FUBP3: variants seen among roughly 807,000 people sequenced by gnomAD.
The protein encoded by FUBP3 is far upstream element-binding protein 3.
In FUBP3, 28 loss-of-function variants were observed where a neutral mutation model predicts 85.6. That is an observed-to-expected ratio of 0.33 (90% CI 0.24 to 0.45). FUBP3 has a LOEUF of 0.45. Among genes scored for constraint, FUBP3 ranks in the 20% least tolerant of loss-of-function variants. FUBP3 has a pLI of 1.00. For synonymous variants in FUBP3, 271 were observed against 271.4 expected (o/e 1.00, Z 0.01); for missense variants, 583 against 755.1 (o/e 0.77, Z 2.67).
At chr9:130,587,843 A>G (rs1451615246) in intron 1 of FUBP3, among the ~76,000 whole-genome samples, 2 of 152,154 alleles carry the variant, frequency 1.3e-5, no homozygotes, top group Non-Finnish European at 2.9e-5. Flanking sequence ...CCAACATAAC[A>G]TACTCGGTGA....
intron 2 of FUBP3, among the ~76,000 whole-genome samples, chr9:130,607,521 C>T (rs1368850106): frequency 6.6e-6 from 1 of 152,088 alleles, no homozygotes; most frequent in East Asian, 1.9e-4. Flanking sequence ...CAGCATTTTT[C>T]CTTTTTTACA....
chr9:130,601,500 A>G (rs951153018), intron 2 of FUBP3, among the ~76,000 whole-genome samples: 44 of 152,206 alleles, frequency 2.9e-4, no homozygotes, highest in African/African-American at 1.0e-3. Flanking sequence ...TCAGGAGAGT[A>G]CAGCACTGTC....
chr9:130,636,124 C>T lies in FUBP3; in HGVS notation c.1708C>T (p.Gln570Ter). Residue 570 changes from glutamine (Q) to a stop codon, truncating the protein, a stop_gained and splice_region_variant, in exon 18 of 19, where the codon CAG becomes TAG. Coordinates refer to ENST00000319725, the MANE Select transcript of FUBP3 (RefSeq NM_003934.2). LOFTEE classifies it high-confidence loss of function. ...GTTAGGGCAGGCGCAGGCCCACAGCCAGGTCTGTAGCTGATCACCAGCACC... is the reference window on the plus strand; with the variant it reads ...GTTAGGGCAGGCGCAGGCCCACAGCTAGGTCTGTAGCTGATCACCAGCACC... ...QTLGQAQAHSQEQ is the reference protein window; with the variant it reads ...QTLGQAQAHS 1 of 1,613,026 alleles carries T rather than the reference C, an allele frequency of 6.2e-7. No homozygotes were observed. Among genetic ancestry groups the T allele is most frequent in the East Asian group, 2.2e-5 (1 of 44,890 alleles).
At chr9:130,610,048 ATCTGTACTAGAGTGCTAG>A (rs1831660900) in intron 3 of FUBP3, 61 bp downstream of exon 3, 1 of 1,262,024 alleles carries the variant, frequency 7.9e-7, no homozygotes, top group African/African-American at 1.5e-5. Flanking sequence ...TTGATCCACC[ATCTGTACTAGAGTGCTAG>A]AAAGTCAGAG....
chr9:130,634,482 G>A (rs1830339258), intron 16 of FUBP3, 185 bp from the exon 17 acceptor site: 1 of 588,356 alleles, frequency 1.7e-6, no homozygotes, highest in Admixed American at 3.0e-5. Flanking sequence ...CACCCTTACA[G>A]TGATCTTAGT....
rs999032391 is a variant in FUBP3 at position 130,635,230 on chromosome 9, T to C, written c.1582+492T>C. On this transcript the variant is annotated intron_variant, in intron 17 of 18. Transcript: ENST00000319725. This position sits in a 1 kb window ranked among gnomAD's most constrained non-coding sequence, Gnocchi z 4.3. ...TAGTTTCTCTTCTTAAGTAGGCCCG[T>C]TTTCTAACTACCAGAAATGAAACCA... Among the ~76,000 whole-genome samples, 2 of 152,060 alleles carry C rather than the reference T, an allele frequency of 1.3e-5. No individual in the cohort carries two copies. Among genetic ancestry groups the C allele is most frequent in the African/African-American group, 4.8e-5 (2 of 41,370 alleles).
chr9:130,589,890 T>C (rs952794622), intron 1 of FUBP3, among the ~76,000 whole-genome samples: 12 of 149,796 alleles, frequency 8.0e-5, no homozygotes, highest in Admixed American at 2.0e-4. Flanking sequence ...TTTTTTGTTT[T>C]TGTTTTTGTA....
chr9:130,607,699 T>C (rs1564204454), intron 2 of FUBP3, among the ~76,000 whole-genome samples: 1 of 152,188 alleles, frequency 6.6e-6, no homozygotes, highest in South Asian at 2.1e-4. Context: ...CTGCTGGTTT[T>C]CATTTTTAGG....
rs569026817 is a variant in FUBP3 at position 130,621,629 on chromosome 9, G to A, written c.772-1079G>A. 2.6e-3 allele frequency among the ~76,000 whole-genome samples: 395 copies of A among 151,590 alleles called. 1 individual carries two copies. Among genetic ancestry groups the A allele is most frequent in the Non-Finnish European group, 4.7e-3 (318 of 67,806 alleles). ...AACAGTTAAGAATGCAGTTCAGGCC[G>A]GGCATGGTGGCTCACGCCTGTAATC... is the stretch of plus-strand genomic sequence containing the variant. On this transcript the variant is annotated intron_variant, in intron 9 of 18. Coordinates refer to ENST00000319725, the MANE Select transcript of FUBP3 (RefSeq NM_003934.2).
At chr9:130,587,108 A>G (rs181936138) in intron 1 of FUBP3, among the ~76,000 whole-genome samples, 17 of 142,990 alleles carry the variant, frequency 1.2e-4, no homozygotes, top group Non-Finnish European at 1.3e-4. Flanking sequence ...CTCTGTCACC[A>G]GGCTGGAAGG....
chr9:130,636,019 C>G lies in FUBP3; in HGVS notation c.1603C>G (p.Pro535Ala). 5 of 1,595,398 alleles carry G rather than the reference C, an allele frequency of 3.1e-6. No homozygotes were observed. The highest frequency in any genetic ancestry group is 3.4e-6 in the Non-Finnish European group (4 of 1,172,104). Residue 535 changes from proline to alanine, a missense_variant, in exon 18 of 19, where the codon CCT becomes GCT. By Grantham distance (27) the Pro-to-Ala change is conservative (BLOSUM62 -1). Coordinates refer to ENST00000319725, the MANE Select transcript of FUBP3 (RefSeq NM_003934.2). ...ACCAGGTCACGCCGCCAGCGCTGCT[C>G]CTCAGGCCAGCTCCCCACCGGACTA... ...KKQSHAASAA[P>A]QASSPPDYTM...
chr9:130,613,620 G>T (rs531118031), intron 5 of FUBP3, among the ~76,000 whole-genome samples: 3 of 152,202 alleles, frequency 2.0e-5, no homozygotes, highest in Admixed American at 6.5e-5. Flanking sequence ...AAAGGAAGGG[G>T]TTTGAAGGAC....
At position 130,616,599 on chromosome 9, in the gene FUBP3, T is replaced by C. The variant is rs756121136; in HGVS notation, c.567+82T>C. 5.4e-6 allele frequency: 7 copies of C among 1,299,842 alleles called. No individual in the cohort carries two copies. In the East Asian group the frequency reaches 1.6e-4, roughly 30 times the overall value. The allele number at this position is 1,299,842 out of a possible 1,614,324, so 80.5% of individuals were successfully genotyped here. A position where few individuals can be genotyped will look rare whatever the true frequency, so the allele number is the denominator to read the frequency against. On this transcript the variant is annotated intron_variant, in intron 7 of 18. Transcript: ENST00000319725. This position sits in a 1 kb window ranked among gnomAD's most constrained non-coding sequence, Gnocchi z 4.7. ...CTGGCCCAGGAGATCTGCTTACGGCTGGCATTCCCTGGCTGGGCTGGCTTT... is the reference window on the plus strand; with the variant it reads ...CTGGCCCAGGAGATCTGCTTACGGCCGGCATTCCCTGGCTGGGCTGGCTTT...
chr9:130,612,462 A>C lies in FUBP3; in HGVS notation c.231A>C (p.Val77=), dbSNP rs1335153845. The part of the protein sequence containing the change: ...QLGALVHQRT[V]ITEEFKVPDK... ...AAATGTTCTTTGTTTTTAGGACGGT[A>C]ATAACGGAAGAATTCAAAGTGCCTG... is the stretch of plus-strand genomic sequence containing the variant. The change falls in exon 4 of 19, where the codon GTA becomes GTC. Residue 77 remains valine (V), a synonymous_variant. Coordinates refer to ENST00000319725, the MANE Select transcript of FUBP3 (RefSeq NM_003934.2). The surrounding 1 kb of genome is among the most constrained non-coding windows in gnomAD (Gnocchi z 4.1). The C allele has an allele frequency of 2.5e-6, 4 of 1,594,010 alleles. No individual in the cohort carries two copies. In the South Asian group the frequency reaches 4.4e-5, roughly 18 times the overall value.
chr9:130,630,709 C>G lies in FUBP3; in HGVS notation c.1199C>G (p.Pro400Arg). 6.3e-7 allele frequency: 1 copy of G among 1,592,794 alleles called. No homozygotes were observed. The change falls in exon 13 of 19, where the codon CCC becomes CGC. Residue 400 changes from proline (P) to arginine (R), a missense_variant. Physicochemically the swap from Pro to Arg is moderately radical, Grantham distance 103. Around this residue, in one of 3 missense-constraint regions of FUBP3, gnomAD observed 404 missense variants for 516.8 expected, o/e 0.78. Transcript: ENST00000319725. ...AGGAACCCCCCTCCCAACAGCGACC[C>G]CAACCTGCGGAGATTCACCATCAGG... ...LQRNPPPNSD[P>R]NLRRFTIRGV...
intron 9 of FUBP3, among the ~76,000 whole-genome samples, chr9:130,621,678 G>A (rs867868175): frequency 4.0e-5 from 6 of 150,068 alleles, no homozygotes; most frequent in South Asian, 2.1e-4. Flanking sequence ...AGGCAGAGGC[G>A]GGTGGATCAC....
At position 130,596,682 on chromosome 9, in the gene FUBP3, G is replaced by C. The variant is rs117452644; in HGVS notation, c.190+1094G>C. 5.4e-3 allele frequency: 2,449 copies of C among 451,922 alleles called. 80 individuals are homozygous for C. The highest frequency in any genetic ancestry group is 0.042 in the Admixed American group (1,661 of 39,148). The allele number at this position is 451,922 out of a possible 1,614,324, so 28.0% of individuals were successfully genotyped here. On this transcript the variant is annotated intron_variant, in intron 2 of 18. Transcript: ENST00000319725. The stretch of plus-strand genomic sequence containing the variant: ...TCCTAGTACGTTTTTAAATCCTCCA[G>C]TTCATAGACTTGTTTGCAAATCTCA...
chr9:130,586,748 T>C (rs1052166799), intron 1 of FUBP3, among the ~76,000 whole-genome samples: 11 of 125,982 alleles, frequency 8.7e-5, no homozygotes, highest in African/African-American at 3.5e-4. Flanking sequence ...GAAGCAGCAA[T>C]CTTTTTTTTT....
At chr9:130,632,121 G>A (rs1830236875) in intron 15 of FUBP3, 81 bp from the exon 16 acceptor site, 1 of 1,451,496 alleles carries the variant, frequency 6.9e-7, no homozygotes. Flanking sequence ...TGGCTGGGGT[G>A]AGGGAGGTGA....
Sources: gnomAD v4.1 joint callset for allele counts (sites outside exome capture counted in the v4.1 genomes callset) on GRCh38, gnomAD v4.1.1 for gene constraint, gnomAD v4.1.1 regional missense constraint, Gnocchi (gnomAD v3.1) non-coding constraint, MANE v1.5 for transcripts, NCBI Gene and HGNC (gene_info 2026-07-23, HGNC 2026-07-21) for gene names.